The following OTOGL variants were observed in gnomAD, a reference collection of about 807,000 sequenced individuals.
The protein encoded by OTOGL is otogelin-like protein.
In OTOGL, 285 loss-of-function variants were observed where a neutral mutation model predicts 318.5. The ratio of observed to expected loss-of-function variants is 0.89; its 90% CI spans 0.81 to 0.99. The LOEUF (loss-of-function observed/expected upper bound fraction) is 0.99, where lower values mean the gene tolerates loss of function less well. Among genes scored for constraint, OTOGL ranks in the 50% least tolerant of loss-of-function variants. The probability of loss-of-function intolerance (pLI) is 0.00; values close to 1 mark genes in which losing one functional copy is unlikely to be tolerated. For missense variants in OTOGL, 2,899 were observed against 2,845.6 expected, an observed-to-expected ratio of 1.02 and a Z score of -0.43; for synonymous variants, 987 against 936.5, an observed-to-expected ratio of 1.05 and a Z score of -0.99.
At chr12:80,306,213 A>G (rs1026381293) in intron 29 of OTOGL, among the ~76,000 whole-genome samples, 3 of 152,194 alleles carry the variant, frequency 2.0e-5, no homozygotes, top group Admixed American at 2.0e-4. Context: ...TAATTTTTGC[A>G]TATTTCTCTT....
chr12:80,175,966 C>T (rs893698301), intron 1 of OTOGL, among the ~76,000 whole-genome samples: 7 of 152,178 alleles, frequency 4.6e-5, no homozygotes, highest in Admixed American at 1.3e-4. Context: ...TAAATATAGG[C>T]ATGTCAGTGA....
rs778038302 is a variant in OTOGL, at chr12:80,336,462, C to T, written c.4650C>T (p.Asn1550=). ...SELSIITFDG[N]NAALYSMASY... ...TGAGCATTATTACATTTGATGGAAA[C>T]AACGCAGCATTATATAGCATGGCTT... The change falls in exon 40 of 59, where the codon AAC becomes AAT. Residue 1550 remains asparagine (N), a synonymous_variant. Coordinates refer to ENST00000547103, the MANE Select transcript of OTOGL (RefSeq NM_001378609.3). 1.2e-5 allele frequency: 19 copies of T among 1,609,006 alleles called. No individual in the cohort carries two copies. The highest frequency in any genetic ancestry group is 1.6e-5 in the Non-Finnish European group (19 of 1,176,698).
intron 1 of OTOGL, among the ~76,000 whole-genome samples, chr12:80,149,780 T>G (rs1254392223): frequency 1.3e-5 from 2 of 152,214 alleles, no homozygotes; most frequent in Non-Finnish European, 2.9e-5. Context: ...GTGCACCGTT[T>G]TTTAAGCCCG....
intron 1 of OTOGL, among the ~76,000 whole-genome samples, chr12:80,129,823 G>A (rs1053218466): frequency 2.0e-5 from 3 of 151,882 alleles, no homozygotes; most frequent in African/African-American, 7.3e-5. Flanking sequence ...CCTCTTTATA[G>A]CATTTGCTTT....
Position 80,370,630 on chromosome 12 carries a change from G to T in OTOGL, c.6676G>T (p.Ala2226Ser). 2 of 1,591,572 alleles carry T rather than the reference G, an allele frequency of 1.3e-6. No individual in the cohort carries two copies. Among genetic ancestry groups the T allele is most frequent in the Non-Finnish European group, 1.7e-6 (2 of 1,165,828 alleles). Reference sequence around the variant, plus strand: ...TGAATGTGTTAAAACTGATGAAGGAGCAATAATTCTGAACTACACAATGGT... The same window carrying T: ...TGAATGTGTTAAAACTGATGAAGGATCAATAATTCTGAACTACACAATGGT... The part of the protein sequence containing the change: ...TYECVKTDEG[A>S]IILNYTMVCP... The change falls in exon 56 of 59, where the codon GCA becomes TCA. Residue 2226 changes from alanine (A) to serine (S), a missense_variant. By Grantham distance (99) the Ala-to-Ser change is moderately conservative. Coordinates refer to ENST00000547103, the MANE Select transcript of OTOGL (RefSeq NM_001378609.3).
In OTOGL at chr12:80,239,436, G is replaced by T; in HGVS notation, c.1049G>T (p.Cys350Phe). ...ATTGCCAGCTGTGTTAATGATCTTT[G>T]CAAGTAAGTGAAATGACTTGTAGTT... ...LYIASCVNDLCKTDDDETYCR... is the reference protein window; with the variant it reads ...LYIASCVNDLFKTDDDETYCR... Residue 350 changes from cysteine (C) to phenylalanine (F), a missense_variant, in exon 11 of 59, where the codon TGC becomes TTC. Physicochemically the swap from Cys to Phe is radical, Grantham distance 205 (BLOSUM62 -2). Coordinates refer to ENST00000547103, the MANE Select transcript of OTOGL (RefSeq NM_001378609.3). The T allele has an allele frequency of 6.4e-7, 1 of 1,556,226 alleles. No homozygotes were observed. Among genetic ancestry groups the T allele is most frequent in the East Asian group, 2.3e-5 (1 of 43,230 alleles).
At chr12:80,151,167 G>T (rs192966901) in intron 1 of OTOGL, among the ~76,000 whole-genome samples, 2 of 151,906 alleles carry the variant, frequency 1.3e-5, no homozygotes, top group East Asian at 3.9e-4. Context: ...GTTTCTAATT[G>T]AATAAGCCAT....
In OTOGL at chr12:80,313,513, A is replaced by G. The variant is rs202085918; in HGVS notation, c.3488A>G (p.Asp1163Gly). ...TCTTTTGCCAAAAATTGTCATGAAGATACATGTAACTGCAATCTTGGTGGC... is the reference window on the plus strand; with the variant it reads ...TCTTTTGCCAAAAATTGTCATGAAGGTACATGTAACTGCAATCTTGGTGGC... ...VTSFAKNCHE[D>G]TCNCNLGGDC... Residue 1163 changes from aspartate to glycine, a missense_variant, in exon 31 of 59, where the codon GAT (aspartate) becomes GGT (glycine). Coordinates refer to ENST00000547103, the MANE Select transcript of OTOGL (RefSeq NM_001378609.3). 2.2e-3 allele frequency: 3,506 copies of G among 1,612,464 alleles called. 7 individuals are homozygous for G. Among genetic ancestry groups the G allele is most frequent in the Non-Finnish European group, 2.6e-3 (3,092 of 1,178,814 alleles).
chr12:80,150,360 A>C (rs1872710608), intron 1 of OTOGL, among the ~76,000 whole-genome samples: 1 of 152,234 alleles, frequency 6.6e-6, no homozygotes, highest in Admixed American at 6.5e-5. Flanking sequence ...TTATTCAATA[A>C]AAATGAAAAG....
chr12:80,318,123 C>G (rs1392221185), intron 32 of OTOGL, among the ~76,000 whole-genome samples: 1 of 152,074 alleles, frequency 6.6e-6, no homozygotes, highest in African/African-American at 2.4e-5. Flanking sequence ...TCCCTCCAAT[C>G]CAATTATCCT....
rs375583854 is a variant in OTOGL at position 80,189,444 on chromosome 12, A to G, written c.-19-19969A>G. ...GCAGCTGGGAAGTTTGTCAAGTCTC[A>G]TAAGAATGAGGTTGGATTTTTTTTT... On this transcript the variant is annotated intron_variant, in intron 1 of 58. Coordinates refer to ENST00000547103, the MANE Select transcript of OTOGL (RefSeq NM_001378609.3). The G allele has an allele frequency of 6.5e-5, 64 of 985,368 alleles. No individual in the cohort carries two copies. In the African/African-American group the frequency reaches 1.1e-3, roughly 16 times the overall value. 61.0% of individuals were successfully genotyped at this position (985,368 alleles called of 1,614,324 possible). A position where few individuals can be genotyped will look rare whatever the true frequency, so the allele number is the denominator to read the frequency against.
chr12:80,326,385 T>C (rs146133069), intron 35 of OTOGL, among the ~76,000 whole-genome samples: 1 of 152,098 alleles, frequency 6.6e-6, no homozygotes, highest in Non-Finnish European at 1.5e-5. Context: ...ATTAAACTTA[T>C]CAGTTAGAAG....
intron 1 of OTOGL, among the ~76,000 whole-genome samples, chr12:80,154,120 C>T (rs138325555): frequency 5.5e-4 from 84 of 152,188 alleles, no homozygotes; most frequent in African/African-American, 1.9e-3. Flanking sequence ...ACCAGCCTGG[C>T]CAACATGGCA....
rs778836913 is a variant in OTOGL at position 80,222,237 on chromosome 12, A to C, written c.481A>C (p.Thr161Pro). The change falls in exon 7 of 59, where the codon ACT becomes CCT. Residue 161 changes from threonine to proline, a missense_variant. By Grantham distance (38) the Thr-to-Pro change is conservative (BLOSUM62 -1). Transcript: ENST00000547103. ...KDCGDLEPRY[T>P]VWVHNSPKCL... is the part of the protein sequence containing the mutation. ...CTGTGGTGATTTGGAGCCTCGGTACACTGTATGGGTAGGTGATTGTAGGAC... is the reference window on the plus strand; with the variant it reads ...CTGTGGTGATTTGGAGCCTCGGTACCCTGTATGGGTAGGTGATTGTAGGAC... 1 of 1,593,488 alleles carries C rather than the reference A, an allele frequency of 6.3e-7. No homozygotes were observed. The highest frequency in any genetic ancestry group is 8.5e-7 in the Non-Finnish European group (1 of 1,175,584).
chr12:80,222,179 C>G lies in OTOGL; in HGVS notation c.423C>G (p.Phe141Leu). The change falls in exon 7 of 59, where the codon TTC (phenylalanine) becomes TTG (leucine). Residue 141 changes from phenylalanine (F) to leucine (L), a missense_variant. This residue lies in a region of OTOGL where 2,607 missense variants were observed against 2,524.9 expected (regional missense o/e 1.03). Transcript: ENST00000547103. ...FETFDGIYYY[F>L]PGNCSYIFAK... is the part of the protein sequence containing the mutation. ...CATTCGATGGCATCTACTATTACTT[C>G]CCAGGAAACTGTTCTTACATTTTTG... 1.3e-6 allele frequency: 2 copies of G among 1,597,932 alleles called. No individual in the cohort carries two copies. The highest frequency in any genetic ancestry group is 2.2e-5 in the South Asian group (2 of 91,054).
chr12:80,308,007 C>T (rs1886321873), intron 29 of OTOGL, among the ~76,000 whole-genome samples: 1 of 142,514 alleles, frequency 7.0e-6, no homozygotes, highest in Admixed American at 6.8e-5. Context: ...GGCAGAGGCG[C>T]CCCTCACCTG....
At chr12:80,308,126 C>T (rs1432675708) in intron 29 of OTOGL, among the ~76,000 whole-genome samples, 2 of 144,950 alleles carry the variant, frequency 1.4e-5, no homozygotes, top group African/African-American at 2.6e-5. Flanking sequence ...CCGGACGGGG[C>T]GGCTGGCCGG....
intron 44 of OTOGL, among the ~76,000 whole-genome samples, chr12:80,349,848 G>C (rs1010591454): frequency 6.6e-6 from 1 of 152,094 alleles, no homozygotes; most frequent in Non-Finnish European, 1.5e-5. Flanking sequence ...TGTGTACAAC[G>C]TGGTGTTTTG....
At chr12:80,349,633 G>A (rs1414314037) in intron 44 of OTOGL, among the ~76,000 whole-genome samples, 1 of 152,120 alleles carries the variant, frequency 6.6e-6, no homozygotes, top group Non-Finnish European at 1.5e-5. Context: ...ATCGCGGAGG[G>A]TTTAGAATAT....
Sources: gnomAD v4.1 joint callset for allele counts (sites outside exome capture counted in the v4.1 genomes callset) on GRCh38, gnomAD v4.1.1 for gene constraint, gnomAD v4.1.1 regional missense constraint, MANE v1.5 for transcripts, NCBI Gene and HGNC (gene_info 2026-07-23, HGNC 2026-07-21) for gene names.